PPM1H: variants seen among roughly 807,000 people sequenced by gnomAD.
PPM1H encodes the protein protein phosphatase 1H.
A neutral mutation model predicts 54.9 loss-of-function variants in PPM1H; 27 were observed. The ratio of observed to expected loss-of-function variants is 0.49; its 90% confidence interval spans 0.36 to 0.68. PPM1H has a LOEUF of 0.68. Among genes scored for constraint, PPM1H ranks in the 30% least tolerant of loss-of-function variants. The pLI is 0.00. For missense variants in PPM1H, 596 were observed against 667.8 expected, an observed-to-expected ratio of 0.89 and a Z score of 1.19; for synonymous variants, 305 against 270.8, an observed-to-expected ratio of 1.13 and a Z score of -1.24.
intron 9 of PPM1H, among the ~76,000 whole-genome samples, chr12:62,659,915 C>T (rs932541106): frequency 6.6e-6 from 1 of 152,172 alleles, no homozygotes; most frequent in African/African-American, 2.4e-5. Flanking sequence ...GGCTGACCTC[C>T]TTTGGTCAGT....
intron 4 of PPM1H, among the ~76,000 whole-genome samples, chr12:62,744,239 G>A (rs2076398196): frequency 6.6e-6 from 1 of 152,046 alleles, no homozygotes; most frequent in Non-Finnish European, 1.5e-5. Context: ...GGGAGGCCGA[G>A]GTGAGTGGAT....
intron 6 of PPM1H, among the ~76,000 whole-genome samples, chr12:62,710,730 A>G (rs1275026638): frequency 3.9e-4 from 59 of 152,114 alleles, no homozygotes; most frequent in Admixed American, 3.9e-3. Context: ...AGAGGCAGCC[A>G]GCAGACCTGA....
At chr12:62,650,630 C>T (rs1416906327) in intron 9 of PPM1H, among the ~76,000 whole-genome samples, 1 of 152,190 alleles carries the variant, frequency 6.6e-6, no homozygotes, top group East Asian at 1.9e-4. Context: ...AATTGTCTCA[C>T]AGTTCCGTAT....
intron 1 of PPM1H, among the ~76,000 whole-genome samples, chr12:62,851,317 C>A (rs1869179203): frequency 6.6e-6 from 1 of 152,198 alleles, no homozygotes; most frequent in African/African-American, 2.4e-5. Context: ...CTGGTTAATT[C>A]TGAGTCAATT....
intron 1 of PPM1H, among the ~76,000 whole-genome samples, chr12:62,900,377 G>A (rs1871130022): frequency 6.6e-6 from 1 of 151,908 alleles, no homozygotes; most frequent in Non-Finnish European, 1.5e-5. Flanking sequence ...TCACACACAG[G>A]GGCCTGTTGT....
At chr12:62,834,138 G>T (rs75575745) in intron 1 of PPM1H, among the ~76,000 whole-genome samples, 2,857 of 152,228 alleles carry the variant, frequency 0.019, 97 homozygotes, top group African/African-American at 0.064. Flanking sequence ...TAAGTGGACT[G>T]TTGCTTACAA....
At position 62,646,133 on chromosome 12, in the gene PPM1H, T is replaced by G. The variant is rs2075783587; in HGVS notation, c.*2356A>C. The G allele has an allele frequency of 6.6e-6, 1 of 152,228 alleles. No homozygotes were observed. The allele number at this position is 152,228 out of a possible 1,614,324, so 9.4% of individuals were successfully genotyped here. A position where few individuals can be genotyped will look rare whatever the true frequency, so the allele number is the denominator to read the frequency against. The stretch of plus-strand genomic sequence containing the variant: ...GACTTTATCTTCTAACTAAGATCTT[T>G]CCACTCAAGGGGGCGTAGGAAAACA... On this transcript the variant is annotated 3_prime_UTR_variant, in exon 10 of 10. Coordinates refer to ENST00000228705, the MANE Select transcript of PPM1H (RefSeq NM_020700.2).
At chr12:62,652,387 G>A (rs941094651) in intron 9 of PPM1H, among the ~76,000 whole-genome samples, 1 of 134,438 alleles carries the variant, frequency 7.4e-6, no homozygotes, top group Non-Finnish European at 1.6e-5. Context: ...AATAAACTTT[G>A]CATTATTTTA....
Position 62,693,975 on chromosome 12 carries a change from C to T in PPM1H, c.1098G>A (p.Glu366=). 5 of 1,613,078 alleles carry T rather than the reference C, an allele frequency of 3.1e-6. No individual in the cohort carries two copies. Among genetic ancestry groups the T allele is most frequent in the African/African-American group, 1.3e-5 (1 of 75,038 alleles). ...TGWAYKTIED[E]DLKFPLIYGE... ...CATATATAAGGGGGAACTTCAAGTC[C>T]TCATCCTCAATGGTTTTGTATGCCC... The change falls in exon 7 of 10, where the codon GAG becomes GAA. Residue 366 remains glutamate, a synonymous_variant. Transcript: ENST00000228705.
At chr12:62,841,770 C>G (rs1868759675) in intron 1 of PPM1H, among the ~76,000 whole-genome samples, 1 of 152,130 alleles carries the variant, frequency 6.6e-6, no homozygotes, top group South Asian at 2.1e-4. Context: ...TAACTTCTAT[C>G]CCCTTCACCA....
chr12:62,702,544 CAGAGAGAGAGAG>C (rs66497730), intron 6 of PPM1H, among the ~76,000 whole-genome samples: 21 of 140,644 alleles, frequency 1.5e-4, no homozygotes, highest in African/African-American at 3.9e-4. Context: ...CCTTGAGCTA[CAGAGAGAGAGAG>C]AGAGAGAGAG....
At chr12:62,930,045 C>T (rs1872086089) in intron 1 of PPM1H, among the ~76,000 whole-genome samples, 1 of 152,136 alleles carries the variant, frequency 6.6e-6, no homozygotes, top group East Asian at 1.9e-4. Flanking sequence ...GATTTCCGAG[C>T]TTTGGGGCAA....
At position 62,821,235 on chromosome 12, in the gene PPM1H, AGAAAT is replaced by A. The variant is rs2076901739; in HGVS notation, c.411+10874_411+10878del. Among the ~76,000 whole-genome samples, 3 of 152,354 alleles carry A rather than the reference AGAAAT, an allele frequency of 2.0e-5. No homozygotes were observed. In the South Asian group the frequency reaches 6.2e-4, roughly 32 times the overall value. On this transcript the variant is annotated intron_variant, in intron 2 of 9. Coordinates refer to ENST00000228705, the MANE Select transcript of PPM1H (RefSeq NM_020700.2). Reference sequence around the variant, plus strand: ...GAAGTTTAGAGAAAAAAAAGTAAAAAGAAATGAACAAAGCCTCCAAGAAATATGGG... The same window carrying A: ...GAAGTTTAGAGAAAAAAAAGTAAAAAGAACAAAGCCTCCAAGAAATATGGG...
intron 1 of PPM1H, among the ~76,000 whole-genome samples, chr12:62,926,388 T>C (rs1046572263): frequency 1.3e-5 from 2 of 152,162 alleles, no homozygotes; most frequent in Non-Finnish European, 1.5e-5. Flanking sequence ...CCAAGGGCAG[T>C]AAGTAGCTAA....
At chr12:62,831,697 TTGTGTGTGTATG>T (rs375734489) in intron 2 of PPM1H, among the ~76,000 whole-genome samples, 13,838 of 149,496 alleles carry the variant, frequency 0.093, 669 homozygotes, top group Middle Eastern at 0.16. Context: ...CCGTCAAACA[TTGTGTGTGTATG>T]TGTGTGTGTG....
intron 1 of PPM1H, among the ~76,000 whole-genome samples, chr12:62,859,694 C>A (rs1869528096): frequency 6.6e-6 from 1 of 152,108 alleles, no homozygotes; most frequent in South Asian, 2.1e-4. Flanking sequence ...AAATAGATCA[C>A]CTGAATGAGA....
At chr12:62,906,342 G>A (rs909255315) in intron 1 of PPM1H, among the ~76,000 whole-genome samples, 7 of 152,184 alleles carry the variant, frequency 4.6e-5, no homozygotes, top group Non-Finnish European at 7.4e-5. Flanking sequence ...ACAGCTTTAA[G>A]TATGTTTTAT....
intron 1 of PPM1H, among the ~76,000 whole-genome samples, chr12:62,922,643 A>G (rs1257478423): frequency 6.6e-6 from 1 of 152,190 alleles, no homozygotes; most frequent in African/African-American, 2.4e-5. Context: ...TTTAGAGAAA[A>G]CTGAGTCAGA....
chr12:62,657,042 G>A (rs1041979548), intron 9 of PPM1H, among the ~76,000 whole-genome samples: 3 of 152,098 alleles, frequency 2.0e-5, no homozygotes, highest in African/African-American at 4.8e-5. Context: ...CCCCTGTCAG[G>A]TTATGGGGAC....
Sources: allele counts gnomAD v4.1 joint callset (sites outside exome capture counted in the v4.1 genomes callset), GRCh38; gene constraint gnomAD v4.1.1; transcripts MANE v1.5; gene names NCBI Gene and HGNC (gene_info 2026-07-23, HGNC 2026-07-21).